The following PPFIBP1 variants were observed in gnomAD, a reference collection of about 807,000 sequenced individuals.
PPFIBP1 encodes liprin-beta-1.
A neutral mutation model predicts 137.8 loss-of-function variants in PPFIBP1; 112 were observed. The observed-to-expected ratio is 0.81, with a 90% CI of 0.70 to 0.95. The LOEUF (loss-of-function observed/expected upper bound fraction) is 0.95, where lower values mean the gene tolerates loss of function less well. Among genes scored for constraint, PPFIBP1 ranks in the 40% least tolerant of loss-of-function variants. The probability of loss-of-function intolerance (pLI) is 0.00; values close to 1 mark genes in which losing one functional copy is unlikely to be tolerated. For missense variants in PPFIBP1, 1,083 were observed against 1,196.6 expected (o/e 0.91, Z 1.40); for synonymous variants, 378 against 417.3 (o/e 0.91, Z 1.15).
chr12:27,533,065 A>G (rs538133199), intron 1 of PPFIBP1, among the ~76,000 whole-genome samples: 191 of 152,270 alleles, frequency 1.3e-3, no homozygotes, highest in Middle Eastern at 6.8e-3. Context: ...AGCAGTGGCT[A>G]TTCACAGTTG....
chr12:27,547,684 C>G (rs1390203521), intron 1 of PPFIBP1: 1 of 152,238 alleles, frequency 6.6e-6, no homozygotes, highest in African/African-American at 2.4e-5. Context: ...CCAGCCACTT[C>G]TATGGGGAGC....
At chr12:27,593,129 C>CAAAAAG (rs2052732764) in intron 2 of PPFIBP1, among the ~76,000 whole-genome samples, 1 of 100,944 alleles carries the variant, frequency 9.9e-6, no homozygotes, top group Non-Finnish European at 1.9e-5. Flanking sequence ...AAGAATGTCT[C>CAAAAAG]AAAAAAAAAA....
intron 6 of PPFIBP1, 38 bp from the exon 7 acceptor site, chr12:27,649,972 T>C (rs762917174): frequency 1.3e-6 from 2 of 1,569,904 alleles, no homozygotes; most frequent in Non-Finnish European, 1.7e-6. Flanking sequence ...CTGTTTATAA[T>C]AAAAGACTTC....
At chr12:27,664,475 CT>C (rs34613698) in intron 12 of PPFIBP1, 29 bp downstream of exon 12, 653,983 of 1,494,138 alleles carry the variant, frequency 0.44, 143,846 homozygotes, top group East Asian at 0.55. Context: ...AGTTTTTCTA[CT>C]TTGGTTGACT....
intron 1 of PPFIBP1, among the ~76,000 whole-genome samples, chr12:27,563,277 TAAAA>T (rs869044515): frequency 0.012 from 256 of 22,152 alleles, 1 homozygote; most frequent in Non-Finnish European, 0.016. Flanking sequence ...CCATCTCTAC[TAAAA>T]AAAAAAAAAA....
At chr12:27,684,780 T>A (rs1322025344) in intron 24 of PPFIBP1, among the ~76,000 whole-genome samples, 3 of 152,026 alleles carry the variant, frequency 2.0e-5, no homozygotes, top group African/African-American at 4.8e-5. Context: ...AAAAAGTTTT[T>A]AAAACTTTTT....
Position 27,539,030 on chromosome 12 carries a change from C to G in PPFIBP1, c.-124+14665C>G, listed in dbSNP as rs575885697. ...TCCTACAATGCACAGGACAGCCCCC[C>G]ACCAATGAAGAATTATCCTGCCTCT... On this transcript the variant is annotated intron_variant, in intron 1 of 29. Transcript: ENST00000228425. 2.0e-5 allele frequency among the ~76,000 whole-genome samples: 3 copies of G among 152,202 alleles called. No homozygotes were observed. In the East Asian group the frequency reaches 5.8e-4, roughly 29 times the overall value.
intron 13 of PPFIBP1, among the ~76,000 whole-genome samples, chr12:27,669,093 C>T (rs1337839460): frequency 1.3e-5 from 2 of 152,156 alleles, no homozygotes; most frequent in African/African-American, 2.4e-5. Context: ...TCTCTTCTCA[C>T]ATTTTACTAT....
intron 1 of PPFIBP1, among the ~76,000 whole-genome samples, chr12:27,564,284 G>A (rs1230171132): frequency 6.6e-6 from 1 of 152,208 alleles, no homozygotes; most frequent in Non-Finnish European, 1.5e-5. Flanking sequence ...TCCTCTGCAT[G>A]TAAGAAGACA....
intron 1 of PPFIBP1, among the ~76,000 whole-genome samples, chr12:27,551,414 A>G (rs1946765541): frequency 6.6e-6 from 1 of 152,226 alleles, no homozygotes; most frequent in South Asian, 2.1e-4. Context: ...ATTAGCTAGT[A>G]GGAACTGGCT....
intron 2 of PPFIBP1, among the ~76,000 whole-genome samples, chr12:27,579,867 T>A (rs780344688): frequency 3.3e-5 from 5 of 152,208 alleles, no homozygotes; most frequent in Non-Finnish European, 7.4e-5. Context: ...CAGATGAAGA[T>A]GTTTTTGTAG....
chr12:27,542,386 A>C (rs560689154), intron 1 of PPFIBP1, among the ~76,000 whole-genome samples: 81 of 152,318 alleles, frequency 5.3e-4, no homozygotes, highest in African/African-American at 1.9e-3. Flanking sequence ...ATGGATACTG[A>C]GGGACAACTG....
chr12:27,651,663 G>T (rs1357904006), intron 7 of PPFIBP1, among the ~76,000 whole-genome samples: 2 of 152,184 alleles, frequency 1.3e-5, no homozygotes, highest in Non-Finnish European at 2.9e-5. Context: ...TAGCTCTGCT[G>T]CAGGGAAGAA....
intron 2 of PPFIBP1, among the ~76,000 whole-genome samples, chr12:27,596,925 C>T (rs139322785): frequency 1.8e-4 from 27 of 152,140 alleles, no homozygotes; most frequent in Admixed American, 5.2e-4. Flanking sequence ...GGCTTCAGAG[C>T]CCATATCCTA....
chr12:27,545,623 A>G (rs183901917), intron 1 of PPFIBP1, among the ~76,000 whole-genome samples: 2 of 152,312 alleles, frequency 1.3e-5, no homozygotes, highest in Admixed American at 1.3e-4. Flanking sequence ...AGGCAGAGAG[A>G]TGCTTGCCTG....
chr12:27,676,183 C>T (rs973223646), intron 17 of PPFIBP1, among the ~76,000 whole-genome samples: 5 of 152,090 alleles, frequency 3.3e-5, no homozygotes, highest in African/African-American at 1.2e-4. Context: ...CTAGACATAT[C>T]GATTCTAGAT....
intron 3 of PPFIBP1, among the ~76,000 whole-genome samples, chr12:27,634,048 G>A (rs2139038977): frequency 6.6e-6 from 1 of 151,562 alleles, no homozygotes; most frequent in African/African-American, 2.4e-5. Flanking sequence ...TCTTGGCCAG[G>A]CTGGTCTTAA....
At chr12:27,563,427 A>G (rs1184205233) in intron 1 of PPFIBP1, among the ~76,000 whole-genome samples, 1 of 148,302 alleles carries the variant, frequency 6.7e-6, no homozygotes, top group East Asian at 2.0e-4. Context: ...ACTGCACTCC[A>G]GTCTGGGCAA....
At chr12:27,680,090 C>T in intron 21 of PPFIBP1, 29 bp downstream of exon 21, 4 of 1,611,480 alleles carry the variant, frequency 2.5e-6, no homozygotes, top group Non-Finnish European at 3.4e-6. Context: ...TAGACTTTTG[C>T]ATCTCTACCA....
Sources: gnomAD v4.1 joint callset for allele counts (sites outside exome capture counted in the v4.1 genomes callset) on GRCh38, gnomAD v4.1.1 for gene constraint, MANE v1.5 for transcripts, NCBI Gene and HGNC (gene_info 2026-07-23, HGNC 2026-07-21) for gene names.